HLCS: variants seen among roughly 807,000 people sequenced by gnomAD.
HLCS encodes holocarboxylase synthetase, also known as biotin--protein ligase.
A neutral mutation model predicts 75.0 loss-of-function variants in HLCS; 53 were observed. The observed-to-expected ratio is 0.71, with a 90% CI of 0.57 to 0.89. The LOEUF (loss-of-function observed/expected upper bound fraction) is 0.89, where lower values mean the gene tolerates loss of function less well. Among genes scored for constraint, HLCS ranks in the 40% least tolerant of loss-of-function variants. The pLI is 0.00. For synonymous variants in HLCS, 431 were observed against 428.6 expected (o/e 1.01, Z -0.07); for missense variants, 966 against 1,074.0 (o/e 0.90, Z 1.41).
intron 6 of HLCS, among the ~76,000 whole-genome samples, chr21:36,811,228 A>G (rs1180798127): frequency 6.6e-6 from 1 of 152,184 alleles, no homozygotes; most frequent in East Asian, 1.9e-4. Flanking sequence ...CATTCACTGG[A>G]TTCTACCCAG....
chr21:36,859,101 T>A (rs537494870), intron 6 of HLCS, among the ~76,000 whole-genome samples: 101 of 152,288 alleles, frequency 6.6e-4, no homozygotes, highest in Middle Eastern at 6.8e-3. Context: ...TGGCTCACTG[T>A]AACCTCCACC....
chr21:36,779,907 C>A (rs1380391594), intron 6 of HLCS, among the ~76,000 whole-genome samples: 1 of 152,152 alleles, frequency 6.6e-6, no homozygotes, highest in Non-Finnish European at 1.5e-5. Flanking sequence ...CACTCCCCTA[C>A]CCATTCCTTC....
chr21:36,858,634 T>C (rs548564927), intron 6 of HLCS, among the ~76,000 whole-genome samples: 1 of 152,272 alleles, frequency 6.6e-6, no homozygotes, highest in South Asian at 2.1e-4. Context: ...ACGCAGTACA[T>C]CAAGGGCTGA....
intron 6 of HLCS, among the ~76,000 whole-genome samples, chr21:36,847,503 G>C (rs1179396342): frequency 1.3e-5 from 2 of 152,040 alleles, no homozygotes; most frequent in Non-Finnish European, 1.5e-5. Context: ...CAGTTTGCTG[G>C]ATTTTATATA....
intron 6 of HLCS, among the ~76,000 whole-genome samples, chr21:36,885,154 T>C (rs2064393786): frequency 6.6e-6 from 1 of 152,142 alleles, no homozygotes; most frequent in African/African-American, 2.4e-5. Context: ...CAACAAACAA[T>C]TGGTTCTAGT....
intron 6 of HLCS, among the ~76,000 whole-genome samples, chr21:36,786,490 C>T (rs1272025588): frequency 1.3e-5 from 2 of 152,022 alleles, no homozygotes; most frequent in Non-Finnish European, 2.9e-5. Context: ...CCTGTGAATA[C>T]CATCAAAATC....
chr21:36,754,986 C>T (rs1354819695), intron 10 of HLCS, among the ~76,000 whole-genome samples: 1 of 152,154 alleles, frequency 6.6e-6, no homozygotes, highest in Non-Finnish European at 1.5e-5. Context: ...AAGAATAGTG[C>T]AACAAACCTC....
At chr21:36,858,458 G>A (rs2063272936) in intron 6 of HLCS, among the ~76,000 whole-genome samples, 1 of 152,198 alleles carries the variant, frequency 6.6e-6, no homozygotes, top group Admixed American at 6.5e-5. Context: ...CAGAAGATTG[G>A]GGGGAAACGA....
intron 6 of HLCS, among the ~76,000 whole-genome samples, chr21:36,821,873 A>G (rs2061852590): frequency 6.6e-6 from 1 of 151,972 alleles, no homozygotes; most frequent in African/African-American, 2.4e-5. Context: ...TAAAATGGAG[A>G]AAGGGAAGGG....
rs538202745 is a variant in HLCS at position 36,875,181 on chromosome 21, C to T, written c.1892+21679G>A. On this transcript the variant is annotated intron_variant, in intron 6 of 10. Transcript: ENST00000674895. ...ACCACGGACAGCATGTTGATGGCAG[C>T]GGGAGGCAGACAGGCTCCTAAGCAG... Among the ~76,000 whole-genome samples the T allele has an allele frequency of 1.3e-3, 203 of 152,248 alleles. 1 individual carries two copies. The highest frequency in any genetic ancestry group is 4.7e-3 in the African/African-American group (194 of 41,544).
intron 4 of HLCS, among the ~76,000 whole-genome samples, chr21:36,932,931 A>G (rs972477290): frequency 1.3e-5 from 2 of 152,180 alleles, no homozygotes; most frequent in Non-Finnish European, 2.9e-5. Context: ...CAGCCTGGAC[A>G]ACATGGTGAA....
intron 6 of HLCS, among the ~76,000 whole-genome samples, chr21:36,820,240 G>A (rs1807951354): frequency 6.6e-6 from 1 of 152,198 alleles, no homozygotes; most frequent in Admixed American, 6.5e-5. Flanking sequence ...CTGCAGCGGA[G>A]GAGGCATGGT....
At chr21:36,757,184 T>C (rs3787740) in intron 9 of HLCS, among the ~76,000 whole-genome samples, 71,967 of 151,646 alleles carry the variant, frequency 0.47, 17,364 homozygotes, top group South Asian at 0.62. Flanking sequence ...CGCTTGAAAA[T>C]AGAGTTTTAT....
Position 36,897,134 on chromosome 21 carries a change from G to T in HLCS, c.1621-3C>A, listed in dbSNP as rs1484749000. ...TGCATAAGAGGATCCCTGATTTCCTGTGTCATAAAGAAAGAAATGAGATGG... is the reference window on the plus strand; with the variant it reads ...TGCATAAGAGGATCCCTGATTTCCTTTGTCATAAAGAAAGAAATGAGATGG... On this transcript the variant is annotated splice_region_variant and splice_polypyrimidine_tract_variant and intron_variant, in intron 5 of 10. Coordinates refer to ENST00000674895, the MANE Select transcript of HLCS (RefSeq NM_001352514.2). 1 of 1,614,026 alleles carries T rather than the reference G, an allele frequency of 6.2e-7. No individual in the cohort carries two copies. Among genetic ancestry groups the T allele is most frequent in the Admixed American group, 1.7e-5 (1 of 60,016 alleles).
chr21:36,882,024 T>C (rs1362820139), intron 6 of HLCS, among the ~76,000 whole-genome samples: 1 of 151,514 alleles, frequency 6.6e-6, no homozygotes, highest in East Asian at 2.0e-4. Flanking sequence ...GGCTCACGCC[T>C]GTAATCCCAG....
chr21:36,851,221 C>A lies in HLCS; in HGVS notation c.1892+45639G>T, dbSNP rs139755780. 7.2e-4 allele frequency among the ~76,000 whole-genome samples: 110 copies of A among 152,348 alleles called. No individual in the cohort carries two copies. In the Middle Eastern group the frequency reaches 0.027, roughly 38 times the overall value. ...GGAAACCAGGATACTGAAGAGCTAT[C>A]TGCACTCCCATGTTTATTGCAGCCT... On this transcript the variant is annotated intron_variant, in intron 6 of 10. Transcript: ENST00000674895.
chr21:36,869,225 C>T (rs918960752), intron 6 of HLCS, among the ~76,000 whole-genome samples: 2 of 152,050 alleles, frequency 1.3e-5, no homozygotes, highest in African/African-American at 4.8e-5. Context: ...TCCAGGTTCA[C>T]GCCATTCTCC....
chr21:36,965,863 G>T (rs1229161056), intron 1 of HLCS, among the ~76,000 whole-genome samples: 2 of 151,594 alleles, frequency 1.3e-5, no homozygotes, highest in Non-Finnish European at 1.5e-5. Context: ...TGACCCTCCC[G>T]CCTCACCCTC....
chr21:36,986,238 G>C (rs144732184), intron 1 of HLCS, among the ~76,000 whole-genome samples: 63 of 152,286 alleles, frequency 4.1e-4, no homozygotes, highest in African/African-American at 1.1e-3. Context: ...GCCCTCACCA[G>C]ATGTGGCTCC....
Sources: allele counts gnomAD v4.1 joint callset (sites outside exome capture counted in the v4.1 genomes callset), GRCh38; gene constraint gnomAD v4.1.1; transcripts MANE v1.5; gene names NCBI Gene and HGNC (gene_info 2026-07-23, HGNC 2026-07-21).